The following L3MBTL3 variants were observed in gnomAD, a reference collection of about 807,000 sequenced individuals.
L3MBTL3 encodes the protein lethal(3)malignant brain tumor-like protein 3.
Under a neutral mutation model 102.3 loss-of-function variants are expected in L3MBTL3, and 27 were observed. The ratio of observed to expected loss-of-function variants is 0.26; its 90% CI spans 0.19 to 0.36. The LOEUF is 0.36. L3MBTL3 is among the 10% of genes least tolerant of loss of function. The pLI is 1.00. For synonymous variants in L3MBTL3, 340 were observed against 320.9 expected (o/e 1.06, Z -0.64); for missense variants, 798 against 955.3 (o/e 0.84, Z 2.17).
At chr6:130,134,048 A>G (rs1243846607) in intron 22 of L3MBTL3, 143 bp downstream of exon 22, 1 of 633,338 alleles carries the variant, frequency 1.6e-6, no homozygotes, top group African/African-American at 1.8e-5. Flanking sequence ...ACTAACAGGC[A>G]GTATGAATCA....
intron 19 of L3MBTL3, among the ~76,000 whole-genome samples, chr6:130,106,832 A>G (rs1785010161): frequency 6.6e-6 from 1 of 152,172 alleles, no homozygotes; most frequent in African/African-American, 2.4e-5. Context: ...CTGGAAACAT[A>G]TCTTTAAGAG....
intron 2 of L3MBTL3, among the ~76,000 whole-genome samples, chr6:130,030,305 G>A (rs554183387): frequency 3.9e-5 from 6 of 152,218 alleles, no homozygotes; most frequent in Admixed American, 1.3e-4. Context: ...AGTTGAAGGA[G>A]CTAAAGCTCA....
intron 17 of L3MBTL3, among the ~76,000 whole-genome samples, chr6:130,093,995 G>A (rs1784207546): frequency 1.3e-5 from 2 of 152,270 alleles, no homozygotes; most frequent in South Asian, 2.1e-4. Context: ...ACTTTATGAC[G>A]TTTTGAAAGA....
chr6:130,131,770 T>C (rs960704473), intron 20 of L3MBTL3, among the ~76,000 whole-genome samples: 2 of 152,252 alleles, frequency 1.3e-5, no homozygotes, highest in African/African-American at 2.4e-5. Flanking sequence ...GATGTTGACA[T>C]GACAATTGTA....
intron 15 of L3MBTL3, among the ~76,000 whole-genome samples, chr6:130,084,358 ATATT>A (rs1783544494): frequency 1.3e-5 from 2 of 151,980 alleles, no homozygotes; most frequent in Admixed American, 6.6e-5. Context: ...AATATATCAA[ATATT>A]TATTTTTTTA....
chr6:130,044,927 A>G (rs1484958825), intron 3 of L3MBTL3, among the ~76,000 whole-genome samples: 1 of 152,162 alleles, frequency 6.6e-6, no homozygotes, highest in East Asian at 1.9e-4. Context: ...TATCCTACCT[A>G]GGCTTCTATG....
chr6:130,059,967 G>T, intron 9 of L3MBTL3, 69 bp from the exon 10 acceptor site: 6 of 751,194 alleles, frequency 8.0e-6, no homozygotes, highest in South Asian at 1.9e-5. Flanking sequence ...TTTTAAAATG[G>T]TAACTATTTA....
chr6:130,099,123 T>G (rs571071618), intron 18 of L3MBTL3, among the ~76,000 whole-genome samples: 1 of 152,186 alleles, frequency 6.6e-6, no homozygotes, highest in Non-Finnish European at 1.5e-5. Context: ...AAAAACATTC[T>G]TAGAGGAGCC....
chr6:130,093,303 A>C (rs957810463), intron 17 of L3MBTL3, among the ~76,000 whole-genome samples: 1 of 152,226 alleles, frequency 6.6e-6, no homozygotes, highest in Non-Finnish European at 1.5e-5. Context: ...ATCTTAATAA[A>C]AATCTCAGTT....
intron 17 of L3MBTL3, among the ~76,000 whole-genome samples, chr6:130,094,033 T>C (rs1784208920): frequency 6.6e-6 from 1 of 152,254 alleles, no homozygotes; most frequent in African/African-American, 2.4e-5. Flanking sequence ...ATCATTTCAT[T>C]GTTGAAGAAA....
At chr6:130,053,240 A>C (rs1487072818) in intron 7 of L3MBTL3, among the ~76,000 whole-genome samples, 1 of 152,210 alleles carries the variant, frequency 6.6e-6, no homozygotes, top group Non-Finnish European at 1.5e-5. Flanking sequence ...CTAGGGTGAA[A>C]GGGAACATTT....
intron 20 of L3MBTL3, among the ~76,000 whole-genome samples, chr6:130,131,778 G>A (rs1361061455): frequency 6.6e-6 from 1 of 152,212 alleles, no homozygotes; most frequent in Non-Finnish European, 1.5e-5. Context: ...CATGACAATT[G>A]TAAACTGTCC....
At chr6:130,107,860 G>C (rs2115382080) in intron 19 of L3MBTL3, among the ~76,000 whole-genome samples, 1 of 152,302 alleles carries the variant, frequency 6.6e-6, no homozygotes, top group East Asian at 1.9e-4. Context: ...TTTTGCCATT[G>C]TTCTGCATGC....
In L3MBTL3 at chr6:130,139,838, T is replaced by G; in HGVS notation, c.*85T>G. The G allele has an allele frequency of 7.7e-7, 1 of 1,293,792 alleles. No homozygotes were observed. Among genetic ancestry groups the G allele is most frequent in the African/African-American group, 1.5e-5 (1 of 67,706 alleles). The allele number at this position is 1,293,792 out of a possible 1,614,324, so 80.1% of individuals were successfully genotyped here. On this transcript the variant is annotated 3_prime_UTR_variant, in exon 23 of 23. Coordinates refer to ENST00000361794, the MANE Select transcript of L3MBTL3 (RefSeq NM_032438.4). Reference sequence around the variant, plus strand: ...CACAAGGACGGTTATAACTCCTAAGTGAGAAGTCTCCAAAACTCAAAAGAG... The same window carrying G: ...CACAAGGACGGTTATAACTCCTAAGGGAGAAGTCTCCAAAACTCAAAAGAG...
At chr6:130,021,560 G>A (rs1779018016) in intron 1 of L3MBTL3, among the ~76,000 whole-genome samples, 2 of 152,170 alleles carry the variant, frequency 1.3e-5, no homozygotes, top group Non-Finnish European at 2.9e-5. Flanking sequence ...TTTAATTAAC[G>A]AGTCTCAGCT....
intron 9 of L3MBTL3, among the ~76,000 whole-genome samples, chr6:130,059,448 A>G (rs1011733958): frequency 6.6e-6 from 1 of 152,166 alleles, no homozygotes; most frequent in South Asian, 2.1e-4. Context: ...TTCTGTAATA[A>G]TTTACGTTCT....
At chr6:130,052,793 A>G (rs2114796937) in intron 6 of L3MBTL3, 66 bp from the exon 7 acceptor site, 2 of 1,522,844 alleles carry the variant, frequency 1.3e-6, no homozygotes, top group East Asian at 4.6e-5. Context: ...TTGCATTGAT[A>G]ATCAACAAGT....
chr6:130,134,036 A>G (rs1422806357), intron 22 of L3MBTL3, 131 bp downstream of exon 22: 2 of 685,660 alleles, frequency 2.9e-6, no homozygotes, highest in Admixed American at 2.3e-5. Flanking sequence ...AAATTGATGT[A>G]TACTAACAGG....
chr6:130,134,309 T>C (rs1276409467), intron 22 of L3MBTL3, among the ~76,000 whole-genome samples: 1 of 152,214 alleles, frequency 6.6e-6, no homozygotes, highest in East Asian at 1.9e-4. Flanking sequence ...AACACCATGA[T>C]TGACTCCATT....
Sources: gnomAD v4.1 joint callset for allele counts (sites outside exome capture counted in the v4.1 genomes callset) on GRCh38, gnomAD v4.1.1 for gene constraint, MANE v1.5 for transcripts, NCBI Gene and HGNC (gene_info 2026-07-23, HGNC 2026-07-21) for gene names.